The following SEC23B variants were observed in gnomAD, a reference collection of about 807,000 sequenced individuals.
SEC23B encodes the protein protein transport protein Sec23B.
Under a neutral mutation model 104.3 loss-of-function variants are expected in SEC23B, and 77 were observed. The observed-to-expected ratio is 0.74, with a 90% CI of 0.61 to 0.89. The LOEUF (loss-of-function observed/expected upper bound fraction) is 0.89, where lower values mean the gene tolerates loss of function less well. Ranked by LOEUF, SEC23B falls within the 40% of genes least tolerant of loss-of-function variation. The probability of loss-of-function intolerance (pLI) is 0.00; values close to 1 mark genes in which losing one functional copy is unlikely to be tolerated. For missense variants in SEC23B, 885 were observed against 949.4 expected, an observed-to-expected ratio of 0.93 and a Z score of 0.89; for synonymous variants, 338 against 332.5, an observed-to-expected ratio of 1.02 and a Z score of -0.18.
At chr20:18,531,482 C>T (rs1429603799) in intron 10 of SEC23B, among the ~76,000 whole-genome samples, 1 of 151,500 alleles carries the variant, frequency 6.6e-6, no homozygotes, top group Non-Finnish European at 1.5e-5. Context: ...CAGGGAGAAA[C>T]CCCATCTCTC....
At chr20:18,542,521 CATT>C in intron 13 of SEC23B, 119 bp downstream of exon 13, 1 of 1,030,510 alleles carries the variant, frequency 9.7e-7, no homozygotes, top group Non-Finnish European at 1.5e-6. Flanking sequence ...CACCAGACCT[CATT>C]AGCTTATTTG....
chr20:18,527,537 C>G lies in SEC23B; in HGVS notation c.1035C>G (p.His345Gln), dbSNP rs140387877. The change falls in exon 9 of 20, where the codon CAC (histidine) becomes CAG (glutamine). Residue 345 changes from histidine (H) to glutamine (Q), a missense_variant. Transcript: ENST00000650089. ...CTAATCGAACAGCTGCAAATGGTCA[C>G]TGCATTGATATTTATGCTTGTGCCC... is the stretch of plus-strand genomic sequence containing the variant. The part of the protein sequence containing the change: ...MLANRTAANG[H>Q]CIDIYACALD... The G allele has an allele frequency of 6.2e-7, 1 of 1,613,618 alleles. No homozygotes were observed. Among genetic ancestry groups the G allele is most frequent in the Non-Finnish European group, 8.5e-7 (1 of 1,179,592 alleles).
chr20:18,520,232 G>T (rs977346026), intron 4 of SEC23B, among the ~76,000 whole-genome samples: 2 of 129,250 alleles, frequency 1.5e-5, no homozygotes, highest in Non-Finnish European at 3.6e-5. Context: ...CCAGTTTTTG[G>T]ACAAGTAAAA....
In SEC23B at chr20:18,526,430, C is replaced by A; in HGVS notation, c.892C>A (p.Gln298Lys). 6.2e-7 allele frequency: 1 copy of A among 1,614,176 alleles called. No homozygotes were observed. The highest frequency in any genetic ancestry group is 8.5e-7 in the Non-Finnish European group (1 of 1,180,030). The change falls in exon 8 of 20, where the codon CAA becomes AAA. Residue 298 changes from glutamine (Q) to lysine (K), a missense_variant. Coordinates refer to ENST00000650089, the MANE Select transcript of SEC23B (RefSeq NM_006363.6). ...IMLFTGGPPT[Q>K]GPGMVVGDEL... The stretch of plus-strand genomic sequence containing the variant: ...GCTGTTTACTGGAGGTCCCCCTACC[C>A]AAGGGCCTGGCATGGTGGTTGGAGA...
intron 4 of SEC23B, among the ~76,000 whole-genome samples, chr20:18,521,515 A>C (rs758373236): frequency 1.3e-5 from 2 of 152,166 alleles, no homozygotes; most frequent in Non-Finnish European, 2.9e-5. Flanking sequence ...AAACTTGACT[A>C]TGCCTTTAGC....
chr20:18,554,040 G>T (rs941078486), intron 17 of SEC23B, among the ~76,000 whole-genome samples, 195 bp from the exon 18 acceptor site: 1 of 152,188 alleles, frequency 6.6e-6, no homozygotes, highest in Non-Finnish European at 1.5e-5. Flanking sequence ...GGGGGAATGC[G>T]CAGGCGGGGG....
At position 18,525,570 on chromosome 20, in the gene SEC23B, CA is replaced by C. The variant is rs367737567; in HGVS notation, c.690-216del. On this transcript the variant is annotated intron_variant, in intron 6 of 19. Coordinates refer to ENST00000650089, the MANE Select transcript of SEC23B (RefSeq NM_006363.6). ...TTTCCAGACAATTTTTTTTTCCGTG[CA>C]ACATAAGTAAATTGCTAAGTACTGG... Among the ~76,000 whole-genome samples, 617 of 151,968 alleles carry C rather than the reference CA, an allele frequency of 4.1e-3. 1 individual carries two copies. Among genetic ancestry groups the C allele is most frequent in the Middle Eastern group, 0.014 (4 of 292 alleles).
At chr20:18,551,016 G>A (rs920522226) in intron 16 of SEC23B, 73 bp from the exon 17 acceptor site, 8 of 906,022 alleles carry the variant, frequency 8.8e-6, no homozygotes, top group Non-Finnish European at 1.5e-5. Context: ...CATGGGATCA[G>A]GGTCGGGTGG....
At chr20:18,557,291 C>T (rs2060448287) in intron 19 of SEC23B, among the ~76,000 whole-genome samples, 1 of 152,050 alleles carries the variant, frequency 6.6e-6, no homozygotes. Context: ...TAAGTGGTTG[C>T]TCCTAAGTGC....
chr20:18,523,480 G>A (rs1161601470), intron 4 of SEC23B, among the ~76,000 whole-genome samples: 1 of 138,316 alleles, frequency 7.2e-6, no homozygotes, highest in African/African-American at 2.7e-5. Flanking sequence ...TCAGCTCACT[G>A]CAACCTCTGC....
intron 16 of SEC23B, among the ~76,000 whole-genome samples, chr20:18,549,533 A>G (rs988033467): frequency 1.6e-4 from 24 of 152,320 alleles, no homozygotes; most frequent in African/African-American, 5.8e-4. Flanking sequence ...AACAGTATTC[A>G]CAAAAAGTAT....
chr20:18,535,196 ACC>A (rs1270762579), intron 11 of SEC23B, among the ~76,000 whole-genome samples: 1 of 113,440 alleles, frequency 8.8e-6, no homozygotes, highest in African/African-American at 3.4e-5. Flanking sequence ...TGACACACCC[ACC>A]CCCCCCCACA....
intron 11 of SEC23B, 135 bp downstream of exon 11, chr20:18,532,879 A>T: frequency 1.4e-6 from 1 of 725,588 alleles, no homozygotes; most frequent in East Asian, 2.7e-5. Flanking sequence ...ACCCTCACTG[A>T]TGACTATACT....
chr20:18,523,751 C>A (rs2060108051), intron 4 of SEC23B, among the ~76,000 whole-genome samples: 1 of 151,354 alleles, frequency 6.6e-6, no homozygotes, highest in East Asian at 1.9e-4. Context: ...CTTGTCCAGG[C>A]TGGTATGTAG....
intron 4 of SEC23B, among the ~76,000 whole-genome samples, chr20:18,518,110 G>A (rs1263158048): frequency 6.6e-6 from 1 of 152,178 alleles, no homozygotes; most frequent in Non-Finnish European, 1.5e-5. Context: ...TGAATACCAA[G>A]AGCCTGAAAA....
intron 19 of SEC23B, among the ~76,000 whole-genome samples, chr20:18,558,844 A>C (rs1055972498): frequency 6.6e-6 from 1 of 152,094 alleles, no homozygotes; most frequent in Non-Finnish European, 1.5e-5. Flanking sequence ...AAGCATTTTT[A>C]TCATGGCTGT....
intron 15 of SEC23B, among the ~76,000 whole-genome samples, chr20:18,547,699 G>A (rs4814761): frequency 1 from 151,869 of 152,066 alleles, 75,837 homozygotes; most frequent in Middle Eastern, 1. Context: ...GTCAGTCCCC[G>A]GAGCTCTAGG....
intron 5 of SEC23B, 67 bp downstream of exon 5, chr20:18,524,736 A>T: frequency 2.9e-6 from 4 of 1,373,952 alleles, no homozygotes; most frequent in Non-Finnish European, 4.1e-6. Flanking sequence ...GGGTCTCTTT[A>T]AAAGAGCCTG....
At position 18,548,619 on chromosome 20, in the gene SEC23B, A is replaced by G; in HGVS notation, c.1754A>G (p.His585Arg). The change falls in exon 16 of 20, where the codon CAT becomes CGT. Residue 585 changes from histidine to arginine, a missense_variant. Coordinates refer to ENST00000650089, the MANE Select transcript of SEC23B (RefSeq NM_006363.6). ...TCTTTGTGAATGCAGTTTATGTTCC[A>G]TCTGAGAAGATCTCCATTTCTTCAA... ...SFSLYPQFMFHLRRSPFLQVF... is the reference protein window; with the variant it reads ...SFSLYPQFMFRLRRSPFLQVF... 12 of 1,614,040 alleles carry G rather than the reference A, an allele frequency of 7.4e-6. No homozygotes were observed. Among genetic ancestry groups the G allele is most frequent in the Non-Finnish European group, 1.0e-5 (12 of 1,179,898 alleles).
Sources: allele counts gnomAD v4.1 joint callset (sites outside exome capture counted in the v4.1 genomes callset), GRCh38; gene constraint gnomAD v4.1.1; transcripts MANE v1.5; gene names NCBI Gene and HGNC (gene_info 2026-07-23, HGNC 2026-07-21).